MSRB3: variants seen among roughly 807,000 people sequenced by gnomAD.
MSRB3 encodes methionine-R-sulfoxide reductase B3.
A neutral mutation model predicts 21.0 loss-of-function variants in MSRB3; 13 were observed. The observed-to-expected ratio is 0.62, with a 90% CI of 0.40 to 0.98. The LOEUF (loss-of-function observed/expected upper bound fraction) is 0.98, where lower values mean the gene tolerates loss of function less well. Among genes scored for constraint, MSRB3 ranks in the 50% least tolerant of loss-of-function variants. The pLI, the probability that MSRB3 is intolerant of heterozygous loss-of-function variation, is 0.00. For synonymous variants in MSRB3, 87 were observed against 88.6 expected (o/e 0.98, Z 0.10); for missense variants, 199 against 230.3 (o/e 0.86, Z 0.88).
At chr12:65,407,716 TC>T (rs1462237844) in intron 5 of MSRB3, among the ~76,000 whole-genome samples, 1 of 152,194 alleles carries the variant, frequency 6.6e-6, no homozygotes, top group Non-Finnish European at 1.5e-5. Flanking sequence ...ATCCCACAGT[TC>T]TTAGATATTC....
chr12:65,373,525 TC>T (rs1476942789), intron 5 of MSRB3, among the ~76,000 whole-genome samples: 1 of 152,144 alleles, frequency 6.6e-6, no homozygotes, highest in East Asian at 1.9e-4. Context: ...ATTTTTTTTT[TC>T]TATAGAGTCA....
At chr12:65,390,952 G>C (rs1332642683) in intron 5 of MSRB3, among the ~76,000 whole-genome samples, 1 of 152,110 alleles carries the variant, frequency 6.6e-6, no homozygotes, top group Non-Finnish European at 1.5e-5. Flanking sequence ...CTTTGTCTTT[G>C]GCAAAAGAAT....
chr12:65,308,405 T>A, intron 1 of MSRB3, 124 bp from the exon 2 acceptor site: 2 of 1,322,162 alleles, frequency 1.5e-6, no homozygotes, highest in Non-Finnish European at 2.1e-6. Context: ...CGTTTGAAAT[T>A]TATTAGCAGT....
At chr12:65,382,888 A>G (rs1478437036) in intron 5 of MSRB3, among the ~76,000 whole-genome samples, 3 of 152,078 alleles carry the variant, frequency 2.0e-5, no homozygotes, top group Admixed American at 6.6e-5. Context: ...ATGTGTGTAT[A>G]TATGGATATA....
chr12:65,293,276 T>A (rs947821649), intron 1 of MSRB3, among the ~76,000 whole-genome samples: 19 of 152,218 alleles, frequency 1.2e-4, no homozygotes, highest in African/African-American at 4.1e-4. Flanking sequence ...CTTACACCGC[T>A]CCCATCCATT....
intron 1 of MSRB3, chr12:65,279,190 G>A: frequency 1.5e-6 from 1 of 682,996 alleles, no homozygotes; most frequent in East Asian, 5.6e-5. Context: ...CGCGGGCCCA[G>A]GAGAGAGGGA....
At chr12:65,441,958 G>T (rs1472385918) in intron 5 of MSRB3, among the ~76,000 whole-genome samples, 2 of 151,954 alleles carry the variant, frequency 1.3e-5, no homozygotes, top group Non-Finnish European at 2.9e-5. Context: ...TAAAATATTT[G>T]TTCTTAATAG....
At chr12:65,414,565 T>C (rs1880877521) in intron 5 of MSRB3, among the ~76,000 whole-genome samples, 1 of 152,198 alleles carries the variant, frequency 6.6e-6, no homozygotes. Flanking sequence ...GGCGATAGCA[T>C]GTAGTCGAGG....
rs959554785 is a variant in MSRB3 at position 65,341,700 on chromosome 12, T to C, written c.263+13097T>C. ...ATACCTACTATATATCCACAAAAAT[T>C]AAAAATAAAAAAGAAAATAGATGTA... On this transcript the variant is annotated intron_variant, in intron 4 of 6. Transcript: ENST00000308259. Among the ~76,000 whole-genome samples, 8 of 151,628 alleles carry C rather than the reference T, an allele frequency of 5.3e-5. No individual in the cohort carries two copies. The East Asian group carries it at 1.4e-3, about 26-fold the overall frequency.
intron 1 of MSRB3, among the ~76,000 whole-genome samples, chr12:65,283,489 G>A (rs1297019122): frequency 6.6e-6 from 1 of 151,204 alleles, no homozygotes; most frequent in Non-Finnish European, 1.5e-5. Context: ...GGAGTGCAGT[G>A]GCACACTCAT....
chr12:65,289,897 C>T (rs1415347844), intron 1 of MSRB3, among the ~76,000 whole-genome samples: 1 of 152,124 alleles, frequency 6.6e-6, no homozygotes, highest in Non-Finnish European at 1.5e-5. Flanking sequence ...TGTAGTATTC[C>T]ATGATGTATG....
Position 65,423,920 on chromosome 12 carries a change from T to A in MSRB3, c.293-29808T>A, listed in dbSNP as rs533980056. On this transcript the variant is annotated intron_variant, in intron 5 of 6. Transcript: ENST00000308259. The stretch of plus-strand genomic sequence containing the variant: ...TTTGAGAAGGATTGTTATTAGTACT[T>A]CTTTAAAAGGTTGGTAGAATTCAGT... Among the ~76,000 whole-genome samples, 31 of 152,284 alleles carry A rather than the reference T, an allele frequency of 2.0e-4. 1 individual carries two copies. In the East Asian group the frequency reaches 5.8e-3, roughly 28 times the overall value.
intron 1 of MSRB3, among the ~76,000 whole-genome samples, chr12:65,307,862 C>T (rs1026102985): frequency 1.3e-5 from 2 of 152,066 alleles, no homozygotes; most frequent in Non-Finnish European, 2.9e-5. Flanking sequence ...TCGAACTTAA[C>T]GCTGTTTTGA....
chr12:65,327,077 A>C (rs1406572867), intron 3 of MSRB3, 143 bp downstream of exon 3: 7 of 690,278 alleles, frequency 1.0e-5, no homozygotes, highest in Non-Finnish European at 1.8e-5. Context: ...GAAAAGGTTA[A>C]AATGGTGTTG....
rs895207326 is a variant in MSRB3 at position 65,463,506 on chromosome 12, C to T, written c.*184C>T. 2.5e-5 allele frequency: 17 copies of T among 679,150 alleles called. 1 individual carries two copies. Among genetic ancestry groups the T allele is most frequent in the Non-Finnish European group, 3.9e-5 (16 of 413,868 alleles). 42.1% of individuals were successfully genotyped at this position (679,150 alleles called of 1,614,324 possible). A position where few individuals can be genotyped will look rare whatever the true frequency, so the allele number is the denominator to read the frequency against. ...CCATGTATTTTGCAATTGACTAGATCAAGAACTGTTTATAGCTTTAGCAAA... is the reference window on the plus strand; with the variant it reads ...CCATGTATTTTGCAATTGACTAGATTAAGAACTGTTTATAGCTTTAGCAAA... On this transcript the variant is annotated 3_prime_UTR_variant, in exon 7 of 7. Transcript: ENST00000308259.
intron 4 of MSRB3, among the ~76,000 whole-genome samples, chr12:65,348,675 C>T (rs1053438781): frequency 1.4e-4 from 21 of 151,936 alleles, no homozygotes; most frequent in African/African-American, 4.1e-4. Context: ...TTAATTGTGA[C>T]GTTAGGGTGT....
intron 5 of MSRB3, among the ~76,000 whole-genome samples, chr12:65,440,108 T>A (rs1882300116): frequency 6.6e-6 from 1 of 151,736 alleles, no homozygotes; most frequent in Non-Finnish European, 1.5e-5. Flanking sequence ...AACTTATTGG[T>A]AGCCCGATTG....
At chr12:65,459,722 G>A (rs1405597294) in intron 6 of MSRB3, among the ~76,000 whole-genome samples, 4 of 152,138 alleles carry the variant, frequency 2.6e-5, no homozygotes, top group Admixed American at 2.6e-4. Flanking sequence ...AACATCCTAG[G>A]AATAGCTAGG....
intron 4 of MSRB3, among the ~76,000 whole-genome samples, chr12:65,337,431 A>T (rs12821713): frequency 4.3e-4 from 1 of 2,324 alleles, no homozygotes; most frequent in Non-Finnish European, 4.3e-3. Flanking sequence ...AGACTACATC[A>T]AAAAAAAAAA....
Sources: allele counts gnomAD v4.1 joint callset (sites outside exome capture counted in the v4.1 genomes callset), GRCh38; gene constraint gnomAD v4.1.1; transcripts MANE v1.5; gene names NCBI Gene and HGNC (gene_info 2026-07-23, HGNC 2026-07-21).